PNISR: variants seen among roughly 807,000 people sequenced by gnomAD.
PNISR encodes the protein PNN interacting serine and arginine rich protein.
PNISR carries 20 observed loss-of-function variants against 93.4 expected under a neutral mutation model. The observed-to-expected ratio is 0.21, with a 90% CI of 0.15 to 0.31. PNISR has a LOEUF of 0.31. PNISR is among the 10% of genes least tolerant of loss of function. PNISR has a pLI of 1.00. For synonymous variants in PNISR, 305 were observed against 306.5 expected, an observed-to-expected ratio of 0.99 and a Z score of 0.05; for missense variants, 893 against 985.4, an observed-to-expected ratio of 0.91 and a Z score of 1.25.
At chr6:99,410,558 TAAAAA>T in intron 5 of PNISR, 178 bp downstream of exon 5, 3 of 539,564 alleles carry the variant, frequency 5.6e-6, no homozygotes, top group South Asian at 6.3e-5. Context: ...CCTAATGAAA[TAAAAA>T]AATCAGAAAA....
chr6:99,424,030 G>A (rs958710550), intron 1 of PNISR, among the ~76,000 whole-genome samples: 1 of 152,130 alleles, frequency 6.6e-6, no homozygotes, highest in African/African-American at 2.4e-5. Context: ...ATACAGTCAC[G>A]TTCTGGGGTA....
chr6:99,401,801 G>C (rs1775535394), intron 11 of PNISR, among the ~76,000 whole-genome samples, 171 bp from the exon 12 acceptor site: 1 of 151,962 alleles, frequency 6.6e-6, no homozygotes, highest in African/African-American at 2.4e-5. Flanking sequence ...AAAGTAAAAA[G>C]AAACAGGTAA....
intron 3 of PNISR, 139 bp from the exon 4 acceptor site, chr6:99,412,878 AT>A: frequency 2.7e-5 from 13 of 489,680 alleles, no homozygotes; most frequent in South Asian, 1.7e-4. Context: ...AATTAGAAAA[AT>A]TTTTTTTGAA....
At chr6:99,415,535 A>G (rs1175205131) in intron 2 of PNISR, 1 of 152,158 alleles carries the variant, frequency 6.6e-6, no homozygotes. Flanking sequence ...AGCTAGTCTG[A>G]AAACATTCCT....
Position 99,420,481 on chromosome 6 carries a change from A to G in PNISR, c.-111-4053T>C, listed in dbSNP as rs553947209. On this transcript the variant is annotated intron_variant, in intron 1 of 11. Transcript: ENST00000369239. Reference sequence around the variant, plus strand: ...ATTAACTATTGTTTAATTAAACAGTAAGATTACTAGTGATTTTATGGCAAG... The same window carrying G: ...ATTAACTATTGTTTAATTAAACAGTGAGATTACTAGTGATTTTATGGCAAG... Among the ~76,000 whole-genome samples the G allele has an allele frequency of 3.3e-5, 5 of 152,372 alleles. No individual in the cohort carries two copies. The East Asian group carries it at 7.7e-4, about 23-fold the overall frequency.
Position 99,400,611 on chromosome 6 carries a change from A to G in PNISR, c.2347T>C (p.Ser783Pro). ...CCAGACCTTTGAGATTTCTCCACGG[A>G]TCGCGATCGACTATGTTTAGGCTTC... ...AKKPKHSRSR[S>P]VEKSQRSGKK... is the part of the protein sequence containing the mutation. Residue 783 changes from serine (S) to proline (P), a missense_variant, in exon 12 of 12, where the codon TCC (serine) becomes CCC (proline). Physicochemically the swap from Ser to Pro is moderately conservative, Grantham distance 74. Around this residue, in one of 3 missense-constraint regions of PNISR, gnomAD observed 866 missense variants for 935.1 expected, o/e 0.93. Transcript: ENST00000369239. The G allele has an allele frequency of 6.2e-7, 1 of 1,614,088 alleles. No individual in the cohort carries two copies. Among genetic ancestry groups the G allele is most frequent in the Non-Finnish European group, 8.5e-7 (1 of 1,180,004 alleles).
At chr6:99,402,037 T>C (rs1775572765) in intron 11 of PNISR, among the ~76,000 whole-genome samples, 1 of 152,152 alleles carries the variant, frequency 6.6e-6, no homozygotes, top group Non-Finnish European at 1.5e-5. Context: ...GTGAGGCAAG[T>C]AGGAAAAGAC....
chr6:99,412,585 T>A lies in PNISR; in HGVS notation c.243A>T (p.Gln81His), dbSNP rs780533525. The stretch of plus-strand genomic sequence containing the variant: ...ACATTCTGTTGAAGTTTGAATCCCC[T>A]TGGAAATTCCCATGATTGTTTGGAC... ...ESGPNNHGNFQGDSNFNRMWQ... is the reference protein window; with the variant it reads ...ESGPNNHGNFHGDSNFNRMWQ... The change falls in exon 4 of 12, where the codon CAA becomes CAT. Residue 81 changes from glutamine (Q) to histidine (H), a missense_variant. Gln to His is a conservative substitution (Grantham distance 24). Transcript: ENST00000369239. 6.2e-7 allele frequency: 1 copy of A among 1,604,364 alleles called. No individual in the cohort carries two copies.
Position 99,401,320 on chromosome 6 carries a change from A to C in PNISR, c.1638T>G (p.Ser546=), listed in dbSNP as rs1180193872. The C allele has an allele frequency of 1.2e-6, 2 of 1,614,132 alleles. No homozygotes were observed. The highest frequency in any genetic ancestry group is 1.1e-5 in the South Asian group (1 of 91,080). The change falls in exon 12 of 12, where the codon TCT becomes TCG. Residue 546 remains serine (S), a synonymous_variant. Transcript: ENST00000369239. ...YSSSSGSSRT[S]SRSSSPKRKK... ...TCCTTTTAGGAGAAGAAGACCGAGA[A>C]GAAGTACGACTACTACCTGAGCTAG...
At chr6:99,414,827 C>T (rs1202446304) in intron 2 of PNISR, 137 bp from the exon 3 acceptor site, 4 of 443,022 alleles carry the variant, frequency 9.0e-6, no homozygotes, top group Admixed American at 4.1e-5. Flanking sequence ...CCAGAGGCAA[C>T]TAGAATTTTT....
In PNISR at chr6:99,400,375, A is replaced by G. The variant is rs1379053041; in HGVS notation, c.*165T>C. On this transcript the variant is annotated 3_prime_UTR_variant, in exon 12 of 12. Transcript: ENST00000369239. ...ATGTATTTTAAATTAAAAATCTGCA[A>G]TTTTAAATAAATAATATTATATAGG... 1 of 1,163,338 alleles carries G rather than the reference A, an allele frequency of 8.6e-7. No homozygotes were observed. The highest frequency in any genetic ancestry group is 3.4e-5 in the East Asian group (1 of 29,684). 72.1% of individuals were successfully genotyped at this position (1,163,338 alleles called of 1,614,324 possible).
Position 99,412,684 on chromosome 6 carries a change from T to G in PNISR, c.144A>C (p.Ser48=), listed in dbSNP as rs376015395. The G allele has an allele frequency of 4.3e-6, 7 of 1,609,874 alleles. No homozygotes were observed. Among genetic ancestry groups the G allele is most frequent in the Non-Finnish European group, 5.9e-6 (7 of 1,178,670 alleles). Reference sequence around the variant, plus strand: ...GTTGTTCTACCATGCTTTGCTGTCCTGAAGCTTCTCTTTGGGCAATCCAAG... The same window carrying G: ...GTTGTTCTACCATGCTTTGCTGTCCGGAAGCTTCTCTTTGGGCAATCCAAG... ...AQAWIAQREA[S]GQQSMVEQPP... is the part of the protein sequence containing the mutation. The change falls in exon 4 of 12, where the codon TCA becomes TCC. Residue 48 remains serine (S), a synonymous_variant. Transcript: ENST00000369239.
intron 1 of PNISR, among the ~76,000 whole-genome samples, chr6:99,424,289 T>C (rs1779110637): frequency 6.6e-6 from 1 of 152,228 alleles, no homozygotes; most frequent in Non-Finnish European, 1.5e-5. Context: ...GGTTCATTAG[T>C]TGCAACAAAT....
Position 99,400,908 on chromosome 6 carries a change from T to C in PNISR, c.2050A>G (p.Arg684Gly), listed in dbSNP as rs1253648983. The change falls in exon 12 of 12, where the codon AGG becomes GGG. Residue 684 changes from arginine to glycine, a missense_variant. By Grantham distance (125) the Arg-to-Gly change is moderately radical (BLOSUM62 -2). Coordinates refer to ENST00000369239, the MANE Select transcript of PNISR (RefSeq NM_032870.4). ...TTTCTTTTATCCTGTTCACGTTCCC[T>C]TTCTTTGTCTTTCTTTTTCCTATCT... ...DKDRKKKDKE[R>G]EREQDKRKEK... The C allele has an allele frequency of 7.0e-6, 11 of 1,566,612 alleles. No homozygotes were observed. Among genetic ancestry groups the C allele is most frequent in the South Asian group, 1.1e-5 (1 of 89,068 alleles).
At chr6:99,405,281 A>G (rs902217983) in intron 8 of PNISR, among the ~76,000 whole-genome samples, 7 of 151,962 alleles carry the variant, frequency 4.6e-5, no homozygotes, top group Non-Finnish European at 1.0e-4. Context: ...CCTGAACAAC[A>G]TGGCGAAACC....
chr6:99,402,618 G>C lies in PNISR; in HGVS notation c.1249C>G (p.His417Asp). The change falls in exon 11 of 12, where the codon CAT (histidine) becomes GAT (aspartate). Residue 417 changes from histidine to aspartate, a missense_variant. Physicochemically the swap from His to Asp is moderately conservative, Grantham distance 81. Transcript: ENST00000369239. ...SSDTDDEELR[H>D]RIRQKQEAFW... ...GCTTCCTGTTTTTGCCGGATTCGAT[G>C]CCGTAATTCTTCATCATCAGTGTCA... 6.2e-7 allele frequency: 1 copy of C among 1,613,550 alleles called. No homozygotes were observed. The highest frequency in any genetic ancestry group is 8.5e-7 in the Non-Finnish European group (1 of 1,179,674).
intron 5 of PNISR, chr6:99,410,305 T>C (rs1020859164): frequency 6.2e-6 from 1 of 160,730 alleles, no homozygotes; most frequent in Admixed American, 6.0e-5. Flanking sequence ...GGAAAAAAAA[T>C]GACACTAGAA....
At chr6:99,401,761 A>T in intron 11 of PNISR, 131 bp from the exon 12 acceptor site, 1 of 631,376 alleles carries the variant, frequency 1.6e-6, no homozygotes, top group Non-Finnish European at 2.3e-6. Context: ...CCATGTAAGT[A>T]ATTCAAAATT....
At chr6:99,401,896 T>C (rs1301190800) in intron 11 of PNISR, among the ~76,000 whole-genome samples, 1 of 152,218 alleles carries the variant, frequency 6.6e-6, no homozygotes. Context: ...GTAAAGTTTT[T>C]GAAATCTAGC....
Sources: gnomAD v4.1 joint callset for allele counts (sites outside exome capture counted in the v4.1 genomes callset) on GRCh38, gnomAD v4.1.1 for gene constraint, gnomAD v4.1.1 regional missense constraint, MANE v1.5 for transcripts, NCBI Gene and HGNC (gene_info 2026-07-23, HGNC 2026-07-21) for gene names.